The following ATRNL1 variants were observed in gnomAD, a reference collection of about 807,000 sequenced individuals.
ATRNL1 encodes the protein attractin like 1, also known as attractin-like protein 1.
In ATRNL1, 95 loss-of-function variants were observed where a neutral mutation model predicts 182.7. The observed-to-expected ratio is 0.52, with a 90% CI of 0.44 to 0.62. The LOEUF is 0.62. Ranked by LOEUF, ATRNL1 falls within the 20% of genes least tolerant of loss-of-function variation. The probability of loss-of-function intolerance (pLI) is 0.00; values close to 1 mark genes in which losing one functional copy is unlikely to be tolerated. For synonymous variants in ATRNL1, 576 were observed against 568.3 expected (o/e 1.01, Z -0.19); for missense variants, 1,471 against 1,679.5 (o/e 0.88, Z 2.17).
chr10:115,604,449 T>A (rs1592934498), intron 26 of ATRNL1, among the ~76,000 whole-genome samples: 1 of 152,306 alleles, frequency 6.6e-6, no homozygotes, highest in Non-Finnish European at 1.5e-5. Flanking sequence ...CAGCCAGCCC[T>A]TTCTGAGCTG....
chr10:115,827,180 G>A (rs1555092231), intron 27 of ATRNL1, among the ~76,000 whole-genome samples: 1 of 152,190 alleles, frequency 6.6e-6, no homozygotes. Flanking sequence ...CCCTGCCACA[G>A]AGGGAGCCTC....
At chr10:115,802,693 G>A (rs1949825732) in intron 27 of ATRNL1, among the ~76,000 whole-genome samples, 1 of 152,044 alleles carries the variant, frequency 6.6e-6, no homozygotes, top group Admixed American at 6.6e-5. Flanking sequence ...TTGCCTTGTG[G>A]GACTTGGCTT....
chr10:115,645,731 T>G lies in ATRNL1; in HGVS notation c.3796-81517T>G, dbSNP rs74161624. 9.9e-3 allele frequency among the ~76,000 whole-genome samples: 1,501 copies of G among 152,100 alleles called. 18 individuals carry two copies. Among genetic ancestry groups the G allele is most frequent in the African/African-American group, 0.034 (1,420 of 41,514 alleles). ...ACTCTGAATGTTTACTAGTTTTACTTAATCTGTTTGTCTCTGGCAGTGATT... is the reference window on the plus strand; with the variant it reads ...ACTCTGAATGTTTACTAGTTTTACTGAATCTGTTTGTCTCTGGCAGTGATT... On this transcript the variant is annotated intron_variant, in intron 26 of 28. Coordinates refer to ENST00000355044, the MANE Select transcript of ATRNL1 (RefSeq NM_207303.4).
intron 28 of ATRNL1, among the ~76,000 whole-genome samples, chr10:115,880,439 C>A (rs551242814): frequency 6.6e-6 from 1 of 152,282 alleles, no homozygotes; most frequent in South Asian, 2.1e-4. Flanking sequence ...GCCTGGCCAA[C>A]ATGGTGAAAC....
chr10:115,677,772 G>T lies in ATRNL1; in HGVS notation c.3796-49476G>T, dbSNP rs965493620. ...AGCAAGGAAACTCCCAGAGGAGGGA[G>T]AGAATAGGGAGGGGGCTTACCTATC... is the stretch of plus-strand genomic sequence containing the variant. On this transcript the variant is annotated intron_variant, in intron 26 of 28. Coordinates refer to ENST00000355044, the MANE Select transcript of ATRNL1 (RefSeq NM_207303.4). Among the ~76,000 whole-genome samples the T allele has an allele frequency of 2.0e-5, 3 of 152,164 alleles. No homozygotes were observed. In the South Asian group the frequency reaches 6.2e-4, roughly 32 times the overall value.
intron 1 of ATRNL1, among the ~76,000 whole-genome samples, chr10:115,103,133 G>A (rs1843851035): frequency 6.6e-6 from 1 of 151,306 alleles, no homozygotes; most frequent in Non-Finnish European, 1.5e-5. Flanking sequence ...TGCTTCCTGG[G>A]TTCACGCGAT....
intron 28 of ATRNL1, among the ~76,000 whole-genome samples, chr10:115,867,073 A>C (rs1008150788): frequency 6.6e-6 from 1 of 152,212 alleles, no homozygotes; most frequent in South Asian, 2.1e-4. Flanking sequence ...CTGACCAGTA[A>C]AGATGAATGT....
rs143570397 is a variant in ATRNL1 at position 115,269,180 on chromosome 10, A to G, written c.2100+736A>G. 5.1e-3 allele frequency among the ~76,000 whole-genome samples: 771 copies of G among 152,232 alleles called. 5 individuals carry two copies. The highest frequency in any genetic ancestry group is 0.016 in the African/African-American group (679 of 41,514). ...TCTATATATTGCAGAATAAAAAAAC[A>G]TAAAATATTTATGGCAGATGAAAAT... On this transcript the variant is annotated intron_variant, in intron 13 of 28. Transcript: ENST00000355044.
chr10:115,186,884 G>A (rs749412470), intron 8 of ATRNL1, among the ~76,000 whole-genome samples: 24 of 152,036 alleles, frequency 1.6e-4, no homozygotes, highest in Non-Finnish European at 3.2e-4. Context: ...TGATTATTAT[G>A]CATTGTGTGC....
rs782210977 is a variant in ATRNL1 at position 115,286,231 on chromosome 10, A to G, written c.2249A>G (p.Glu750Gly). The G allele has an allele frequency of 5.7e-6, 9 of 1,567,074 alleles. No homozygotes were observed. The highest frequency in any genetic ancestry group is 7.0e-6 in the Non-Finnish European group (8 of 1,146,060). The part of the protein sequence containing the change: ...CQALPAHLCG[E>G]GWSHIGDACL... The stretch of plus-strand genomic sequence containing the variant: ...TTCTTACTAGCTCATCTTTGTGGAG[A>G]AGGATGGAGTCATATTGGGGATGCT... Residue 750 changes from glutamate to glycine, a missense_variant, in exon 15 of 29, where the codon GAA becomes GGA. By Grantham distance (98) the Glu-to-Gly change is moderately conservative (BLOSUM62 -2). Coordinates refer to ENST00000355044, the MANE Select transcript of ATRNL1 (RefSeq NM_207303.4).
intron 8 of ATRNL1, among the ~76,000 whole-genome samples, chr10:115,201,379 G>C (rs1244735581): frequency 9.9e-5 from 15 of 152,014 alleles, no homozygotes; most frequent in East Asian, 1.9e-4. Context: ...ACATTTAAGT[G>C]TTTAATCCAT....
intron 5 of ATRNL1, among the ~76,000 whole-genome samples, chr10:115,147,842 C>A (rs1205535196): frequency 6.6e-6 from 1 of 152,008 alleles, no homozygotes; most frequent in Non-Finnish European, 1.5e-5. Flanking sequence ...GTACCAGTAC[C>A]ATGCTGTTTT....
intron 25 of ATRNL1, among the ~76,000 whole-genome samples, chr10:115,529,587 T>A (rs7070450): frequency 0.028 from 4,201 of 151,984 alleles, 223 homozygotes; most frequent in African/African-American, 0.097. Flanking sequence ...TATTTAATGA[T>A]TACTCTTAAA....
intron 21 of ATRNL1, among the ~76,000 whole-genome samples, chr10:115,456,828 G>C (rs1245495186): frequency 6.6e-6 from 1 of 152,004 alleles, no homozygotes; most frequent in Non-Finnish European, 1.5e-5. Flanking sequence ...TCTCACTTCA[G>C]ATGCATGCTC....
chr10:115,389,561 T>TATATATATATATAC (rs1843891216), intron 19 of ATRNL1, among the ~76,000 whole-genome samples: 1 of 104,794 alleles, frequency 9.5e-6, no homozygotes, highest in Non-Finnish European at 2.0e-5. Flanking sequence ...TATATATATA[T>TATATATATATATAC]ATATATATAT....
chr10:115,728,412 C>T (rs1593133389), intron 27 of ATRNL1, among the ~76,000 whole-genome samples: 1 of 149,018 alleles, frequency 6.7e-6, no homozygotes, highest in South Asian at 2.2e-4. Context: ...CTTTTATTTA[C>T]TTTTATATGT....
intron 8 of ATRNL1, among the ~76,000 whole-genome samples, chr10:115,172,234 C>G (rs575434002): frequency 6.6e-6 from 1 of 152,038 alleles, no homozygotes; most frequent in African/African-American, 2.4e-5. Context: ...GGTTACATAT[C>G]CCCTTTACTT....
At chr10:115,677,813 G>A (rs1204309329) in intron 26 of ATRNL1, among the ~76,000 whole-genome samples, 2 of 151,966 alleles carry the variant, frequency 1.3e-5, no homozygotes, top group African/African-American at 4.8e-5. Context: ...GATGTTCCTC[G>A]GCAGCACCAC....
chr10:115,151,580 G>C (rs1846231762), intron 5 of ATRNL1, among the ~76,000 whole-genome samples: 1 of 151,962 alleles, frequency 6.6e-6, no homozygotes, highest in African/African-American at 2.4e-5. Flanking sequence ...TTTTTTTCTT[G>C]TAAATTTGTT....
Sources: allele counts gnomAD v4.1 joint callset (sites outside exome capture counted in the v4.1 genomes callset), GRCh38; gene constraint gnomAD v4.1.1; transcripts MANE v1.5; gene names NCBI Gene and HGNC (gene_info 2026-07-23, HGNC 2026-07-21).